Variants in PPP2R2B observed in about 807,000 individuals in gnomAD.
PPP2R2B encodes the protein protein phosphatase 2 regulatory subunit Bbeta.
Under a neutral mutation model 46.0 loss-of-function variants are expected in PPP2R2B, and 5 were observed. The observed-to-expected ratio is 0.11, with a 90% CI of 0.06 to 0.23. The LOEUF (loss-of-function observed/expected upper bound fraction) is 0.23, where lower values mean the gene tolerates loss of function less well. Among genes scored for constraint, PPP2R2B ranks in the 10% least tolerant of loss-of-function variants. The probability of loss-of-function intolerance (pLI) is 1.00; values close to 1 mark genes in which losing one functional copy is unlikely to be tolerated. For missense variants in PPP2R2B, 367 were observed against 575.0 expected (o/e 0.64, Z 3.70); for synonymous variants, 215 against 206.7 (o/e 1.04, Z -0.34).
intron 1 of PPP2R2B, among the ~76,000 whole-genome samples, chr5:146,936,113 C>T (rs1007828524): frequency 2.6e-5 from 4 of 152,160 alleles, no homozygotes; most frequent in Non-Finnish European, 5.9e-5. Context: ...GGAAAGTAAG[C>T]TCTGCTGCCA....
At chr5:146,701,352 C>A (rs1428867252) in intron 2 of PPP2R2B, 2 of 695,988 alleles carry the variant, frequency 2.9e-6, no homozygotes, top group African/African-American at 1.8e-5. Context: ...CAGTGGTCTC[C>A]TGGAACATCT....
chr5:146,890,691 T>A (rs2151428265), intron 1 of PPP2R2B, among the ~76,000 whole-genome samples: 1 of 152,322 alleles, frequency 6.6e-6, no homozygotes, highest in East Asian at 1.9e-4. Context: ...AATAATAATA[T>A]TAAACATCCC....
intron 5 of PPP2R2B, among the ~76,000 whole-genome samples, chr5:146,651,945 T>C (rs1045049630): frequency 1.6e-4 from 24 of 152,152 alleles, no homozygotes; most frequent in African/African-American, 5.3e-4. Context: ...AGTTTTTAAA[T>C]CAAATCAATG....
At chr5:146,846,308 G>A (rs538634584) in intron 2 of PPP2R2B, among the ~76,000 whole-genome samples, 2 of 152,016 alleles carry the variant, frequency 1.3e-5, no homozygotes, top group South Asian at 4.2e-4. Context: ...GAACCTGGGA[G>A]GCAGAGGTTG....
At chr5:146,960,690 C>T (rs898693184) in intron 1 of PPP2R2B, among the ~76,000 whole-genome samples, 1 of 152,154 alleles carries the variant, frequency 6.6e-6, no homozygotes, top group African/African-American at 2.4e-5. Context: ...AAATTAGATT[C>T]TGAGCTCTGG....
chr5:146,714,171 A>T (rs1780359582), intron 2 of PPP2R2B, among the ~76,000 whole-genome samples: 1 of 152,190 alleles, frequency 6.6e-6, no homozygotes, highest in African/African-American at 2.4e-5. Context: ...CCTGGAAACC[A>T]AGTGAAGTTC....
intron 5 of PPP2R2B, among the ~76,000 whole-genome samples, chr5:146,676,187 G>A (rs988072552): frequency 1.3e-5 from 2 of 152,134 alleles, no homozygotes; most frequent in African/African-American, 4.8e-5. Context: ...TATCTAGGCG[G>A]CTTTTCCATG....
At position 146,888,174 on chromosome 5, in the gene PPP2R2B, A is replaced by G. The variant is rs370580338; in HGVS notation, c.79+167491T>C. The stretch of plus-strand genomic sequence containing the variant: ...TTCAAAGTCCACAGTCCCACAGCTC[A>G]CCACTCACATAACAACAAAACCCTA... On this transcript the variant is annotated intron_variant, in intron 1 of 8. Transcript: ENST00000336640. 1.3e-5 allele frequency among the ~76,000 whole-genome samples: 2 copies of G among 152,020 alleles called. 1 individual carries two copies. The highest frequency in any genetic ancestry group is 1.3e-4 in the Admixed American group (2 of 15,258).
In PPP2R2B at chr5:147,017,058, G is replaced by C. The variant is rs941186611; in HGVS notation, c.79+38607C>G. Among the ~76,000 whole-genome samples the C allele has an allele frequency of 7.3e-5, 11 of 151,566 alleles. 1 individual carries two copies. In the Admixed American group the frequency reaches 7.3e-4, roughly 10 times the overall value. ...TGCTCTGGCTGCAGGGTGGAGGCTA[G>C]ATCTGAGGAATACAAGAATAAAGGC... On this transcript the variant is annotated intron_variant, in intron 1 of 8. Transcript: ENST00000336640.
At chr5:146,783,662 G>A (rs1188934301) in intron 2 of PPP2R2B, among the ~76,000 whole-genome samples, 1 of 152,164 alleles carries the variant, frequency 6.6e-6, no homozygotes, top group Non-Finnish European at 1.5e-5. Context: ...TCTTGGAGGT[G>A]GATGCTTGTC....
At chr5:146,671,020 G>A (rs1341374780) in intron 5 of PPP2R2B, among the ~76,000 whole-genome samples, 1 of 152,150 alleles carries the variant, frequency 6.6e-6, no homozygotes, top group Non-Finnish European at 1.5e-5. Context: ...ATCAAGATTT[G>A]TAAGTGTTAT....
intron 2 of PPP2R2B, among the ~76,000 whole-genome samples, chr5:146,845,391 C>T (rs769687388): frequency 3.4e-5 from 5 of 148,592 alleles, no homozygotes; most frequent in Non-Finnish European, 7.4e-5. Flanking sequence ...CTGCAAGCTC[C>T]GCCTCCCAGG....
chr5:146,803,644 T>C (rs1284772417), intron 2 of PPP2R2B, among the ~76,000 whole-genome samples: 1 of 152,168 alleles, frequency 6.6e-6, no homozygotes. Flanking sequence ...CCCTATGACA[T>C]GTGCAGCTCC....
Position 146,602,083 on chromosome 5 carries a change from C to T in PPP2R2B, c.791-1623G>A, listed in dbSNP as rs76838537. 3.5e-3 allele frequency among the ~76,000 whole-genome samples: 537 copies of T among 152,306 alleles called. 1 individual carries two copies. The highest frequency in any genetic ancestry group is 0.03 in the South Asian group (147 of 4,824). On this transcript the variant is annotated intron_variant, in intron 7 of 9. Transcript: ENST00000394411. The stretch of plus-strand genomic sequence containing the variant: ...ATCCAAATACTCTTTGATGCATATA[C>T]CTCATCTACTACATATTATTTCACC...
At chr5:146,600,126 G>T (rs73317456) in intron 8 of PPP2R2B, among the ~76,000 whole-genome samples, 165 bp downstream of exon 8, 2,589 of 152,204 alleles carry the variant, frequency 0.017, 77 homozygotes, top group African/African-American at 0.059. Context: ...CACATGTACC[G>T]TTATCTTAAA....
At chr5:146,689,278 T>C (rs951739224) in intron 5 of PPP2R2B, among the ~76,000 whole-genome samples, 1 of 152,176 alleles carries the variant, frequency 6.6e-6, no homozygotes, top group Non-Finnish European at 1.5e-5. Context: ...CCCCGTTATA[T>C]AGATGAGACA....
intron 5 of PPP2R2B, among the ~76,000 whole-genome samples, chr5:146,681,185 T>G (rs1220002875): frequency 6.6e-6 from 1 of 152,242 alleles, no homozygotes; most frequent in Non-Finnish European, 1.5e-5. Flanking sequence ...TAATGCATAA[T>G]GAGCAGAGGC....
chr5:147,042,105 C>T (rs1210670868), intron 1 of PPP2R2B, among the ~76,000 whole-genome samples: 8 of 152,198 alleles, frequency 5.3e-5, no homozygotes, highest in Non-Finnish European at 8.8e-5. Context: ...CAAATCCCCA[C>T]GTCTATCACC....
At chr5:146,885,246 C>A (rs1416147054) in intron 1 of PPP2R2B, among the ~76,000 whole-genome samples, 1 of 152,100 alleles carries the variant, frequency 6.6e-6, no homozygotes, top group Non-Finnish European at 1.5e-5. Flanking sequence ...AATAATATAA[C>A]CAAAGTCAGA....
Sources: gnomAD v4.1 joint callset for allele counts (sites outside exome capture counted in the v4.1 genomes callset) on GRCh38, gnomAD v4.1.1 for gene constraint, MANE v1.5 for transcripts, NCBI Gene and HGNC (gene_info 2026-07-23, HGNC 2026-07-21) for gene names.